GRIN2A: variants seen among roughly 807,000 people sequenced by gnomAD.
The protein encoded by GRIN2A is glutamate receptor ionotropic, NMDA 2A.
Under a neutral mutation model 113.4 loss-of-function variants are expected in GRIN2A, and 22 were observed. The observed-to-expected ratio is 0.19, with a 90% CI of 0.14 to 0.28. The LOEUF (loss-of-function observed/expected upper bound fraction) is 0.28. GRIN2A is among the 10% of genes least tolerant of loss of function. GRIN2A has a pLI of 1.00. For missense variants in GRIN2A, 1,502 were observed against 1,887.0 expected (o/e 0.80, Z 3.78); for synonymous variants, 827 against 738.4 (o/e 1.12, Z -1.94).
intron 2 of GRIN2A, among the ~76,000 whole-genome samples, chr16:9,940,697 C>CCAAAA (rs199854456): frequency 0.012 from 1,839 of 152,170 alleles, 40 homozygotes; most frequent in African/African-American, 0.042. Context: ...AATATTGTGT[C>CCAAAA]CAAAACAAAA....
chr16:10,136,212 A>G (rs2049187653), intron 2 of GRIN2A, among the ~76,000 whole-genome samples: 1 of 152,158 alleles, frequency 6.6e-6, no homozygotes, highest in Non-Finnish European at 1.5e-5. Context: ...TGCTTTGGAA[A>G]GCCAATATTG....
chr16:9,832,123 T>A (rs2042507536), intron 8 of GRIN2A, among the ~76,000 whole-genome samples: 1 of 150,116 alleles, frequency 6.7e-6, no homozygotes, highest in Non-Finnish European at 1.5e-5. Flanking sequence ...TATTTATTTA[T>A]TTATTTATTT....
intron 2 of GRIN2A, among the ~76,000 whole-genome samples, chr16:10,161,077 A>T (rs1237303995): frequency 6.6e-6 from 1 of 152,200 alleles, no homozygotes; most frequent in Non-Finnish European, 1.5e-5. Flanking sequence ...CTCATCTTGA[A>T]TTGTAGTTCC....
intron 3 of GRIN2A, among the ~76,000 whole-genome samples, chr16:9,932,045 T>C (rs930771876): frequency 3.3e-5 from 5 of 152,206 alleles, no homozygotes; most frequent in Non-Finnish European, 2.9e-5. Flanking sequence ...TCACAGAGCA[T>C]TGAGTCACCC....
At chr16:9,813,095 G>T (rs1234388300) in intron 10 of GRIN2A, among the ~76,000 whole-genome samples, 1 of 152,214 alleles carries the variant, frequency 6.6e-6, no homozygotes, top group Non-Finnish European at 1.5e-5. Context: ...AACCGTATCA[G>T]CAACCTTTTC....
chr16:9,822,132 G>A (rs2042296556), intron 10 of GRIN2A, 132 bp downstream of exon 10: 1 of 960,444 alleles, frequency 1.0e-6, no homozygotes, highest in East Asian at 2.4e-5. Flanking sequence ...CCCTCAACTG[G>A]GGCCCATCTG....
intron 10 of GRIN2A, chr16:9,805,669 T>C (rs2041952070): frequency 6.6e-6 from 1 of 152,208 alleles, no homozygotes; most frequent in African/African-American, 2.4e-5. Context: ...AATAACTTAT[T>C]ACAGGGCTGG....
At chr16:9,784,731 A>C (rs1249569539) in intron 11 of GRIN2A, among the ~76,000 whole-genome samples, 21 of 148,252 alleles carry the variant, frequency 1.4e-4, no homozygotes, top group Admixed American at 1.3e-4. Context: ...AATGAACTCA[A>C]ACAAATTTAC....
At chr16:10,096,353 A>G (rs1596500672) in intron 2 of GRIN2A, among the ~76,000 whole-genome samples, 1 of 152,242 alleles carries the variant, frequency 6.6e-6, no homozygotes, top group African/African-American at 2.4e-5. Context: ...CTTGTAACAA[A>G]TGCAGATTCT....
intron 3 of GRIN2A, among the ~76,000 whole-genome samples, chr16:9,908,292 T>TG (rs2044066892): frequency 6.6e-6 from 1 of 152,074 alleles, no homozygotes; most frequent in Non-Finnish European, 1.5e-5. Context: ...GTCACCCTCT[T>TG]GGTGGGAGAA....
intron 2 of GRIN2A, among the ~76,000 whole-genome samples, chr16:9,959,976 A>C (rs2045401158): frequency 6.6e-6 from 1 of 152,180 alleles, no homozygotes; most frequent in Admixed American, 6.6e-5. Flanking sequence ...TCATCTCAAA[A>C]AAACAAACAA....
In GRIN2A at chr16:9,764,537, C is replaced by T. The variant is rs1555482781; in HGVS notation, c.3007G>A (p.Glu1003Lys). 1 of 1,614,002 alleles carries T rather than the reference C, an allele frequency of 6.2e-7. No individual in the cohort carries two copies. The highest frequency in any genetic ancestry group is 8.5e-7 in the Non-Finnish European group (1 of 1,180,002). ...PNTVEVAVSTESKANSRPRQL... is the reference protein window; with the variant it reads ...PNTVEVAVSTKSKANSRPRQL... Reference sequence around the variant, plus strand: ...CGGGGTCTAGAGTTCGCTTTGGATTCTGTGCTCACGGCCACCTCCACCGTG... The same window carrying T: ...CGGGGTCTAGAGTTCGCTTTGGATTTTGTGCTCACGGCCACCTCCACCGTG... Residue 1003 changes from glutamate (E) to lysine (K), a missense_variant, in exon 13 of 13, where the codon GAA (glutamate) becomes AAA (lysine). Around this residue, in one of 7 missense-constraint regions of GRIN2A, gnomAD observed 832 missense variants for 789.7 expected, o/e 1.05. Transcript: ENST00000330684.
rs562918060 is a variant in GRIN2A, at chr16:10,054,414, A to G, written c.415-115863T>C. ...CTAATACAAAGATTTAAAGAGATATAAGAAGGTTGCAACTTTTCATTCCTT... is the reference window on the plus strand; with the variant it reads ...CTAATACAAAGATTTAAAGAGATATGAGAAGGTTGCAACTTTTCATTCCTT... On this transcript the variant is annotated intron_variant, in intron 2 of 12. Coordinates refer to ENST00000330684, the MANE Select transcript of GRIN2A (RefSeq NM_001134407.3). Among the ~76,000 whole-genome samples, 13 of 152,356 alleles carry G rather than the reference A, an allele frequency of 8.5e-5. No homozygotes were observed. The East Asian group carries it at 2.5e-3, about 29-fold the overall frequency.
chr16:10,179,780 T>G, intron 2 of GRIN2A: 1 of 598,918 alleles, frequency 1.7e-6, no homozygotes, highest in Non-Finnish European at 3.0e-6. Flanking sequence ...AGTGCTCCTG[T>G]GTACACCATT....
chr16:9,779,080 G>A (rs192466184), intron 11 of GRIN2A, among the ~76,000 whole-genome samples: 2 of 152,350 alleles, frequency 1.3e-5, no homozygotes, highest in Admixed American at 6.5e-5. Context: ...CCAACTAGTG[G>A]TACATAAAAG....
At chr16:9,976,766 C>T (rs1254818879) in intron 2 of GRIN2A, among the ~76,000 whole-genome samples, 2 of 152,212 alleles carry the variant, frequency 1.3e-5, no homozygotes, top group East Asian at 3.8e-4. Flanking sequence ...TGCATGTCCT[C>T]TGAAGCCATT....
chr16:9,825,712 G>T (rs529774581), intron 9 of GRIN2A, among the ~76,000 whole-genome samples: 1 of 152,248 alleles, frequency 6.6e-6, no homozygotes, highest in East Asian at 1.9e-4. Context: ...TGAGCAGCAA[G>T]CAGGTGTGTC....
chr16:9,935,717 A>G (rs1596615932), intron 3 of GRIN2A, among the ~76,000 whole-genome samples: 2 of 152,010 alleles, frequency 1.3e-5, no homozygotes, highest in South Asian at 2.1e-4. Flanking sequence ...TTTTTTTGAG[A>G]TGGAATCTCA....
chr16:9,944,357 T>C (rs770354725), intron 2 of GRIN2A, among the ~76,000 whole-genome samples: 1 of 152,028 alleles, frequency 6.6e-6, no homozygotes, highest in Non-Finnish European at 1.5e-5. Context: ...TGGATAGCAT[T>C]CTCACGTGCA....
Sources: allele counts gnomAD v4.1 joint callset (sites outside exome capture counted in the v4.1 genomes callset), GRCh38; gene constraint gnomAD v4.1.1; regional missense constraint gnomAD v4.1.1; transcripts MANE v1.5; gene names NCBI Gene and HGNC (gene_info 2026-07-23, HGNC 2026-07-21).